Variants in NLRP2 observed in about 807,000 individuals in gnomAD.
NLRP2 encodes NACHT, LRR and PYD domains-containing protein 2.
NLRP2 carries 107 observed loss-of-function variants against 97.2 expected under a neutral mutation model. The ratio of observed to expected loss-of-function variants is 1.10; its 90% CI spans 0.94 to 1.29. The LOEUF is 1.29. Among genes scored for constraint, NLRP2 ranks in the 50% most tolerant of loss-of-function variants. NLRP2 has a pLI of 0.00. For synonymous variants in NLRP2, 663 were observed against 551.5 expected (o/e 1.20, Z -2.83); for missense variants, 1,495 against 1,330.3 (o/e 1.12, Z -1.93).
At chr19:54,974,744 C>G (rs866408763) in intron 3 of NLRP2, among the ~76,000 whole-genome samples, 200 bp downstream of exon 3, 3 of 152,176 alleles carry the variant, frequency 2.0e-5, no homozygotes, top group Admixed American at 6.6e-5. Context: ...TGTTGGAAAT[C>G]TATAAATACA....
chr19:54,974,580 T>G, intron 3 of NLRP2, 36 bp downstream of exon 3: 1 of 1,404,912 alleles, frequency 7.1e-7, no homozygotes, highest in Non-Finnish European at 1.0e-6. Context: ...ATTCTTCATG[T>G]GAGATCTGGG....
rs140853608 is a variant in NLRP2 at position 54,973,213 on chromosome 19, G to T, written c.281-1287G>T. Among the ~76,000 whole-genome samples the T allele has an allele frequency of 9.2e-3, 1,395 of 151,230 alleles. 55 individuals are homozygous for T. The highest frequency in any genetic ancestry group is 0.077 in the Admixed American group (1,159 of 15,076). ...CAAAAAAAAAAAACAAACAAACATG[G>T]TATTAATTACACAATGGAATACTCC... is the stretch of plus-strand genomic sequence containing the variant. On this transcript the variant is annotated intron_variant, in intron 2 of 12. Transcript: ENST00000448584.
In NLRP2 at chr19:54,997,518, T is replaced by A. The variant is rs773394282; in HGVS notation, c.3050+31T>A. The A allele has an allele frequency of 3.1e-6, 5 of 1,612,098 alleles. No homozygotes were observed. The Admixed American group carries it at 8.3e-5, about 27-fold the overall frequency. On this transcript the variant is annotated intron_variant, in intron 12 of 12. Coordinates refer to ENST00000448584, the MANE Select transcript of NLRP2 (RefSeq NM_017852.5). ...ATCCATTTACTTCCCCATCAGGCTT[T>A]CTCCAGAGTGGTAGGTTTAGGGGAA... is the stretch of plus-strand genomic sequence containing the variant.
intron 1 of NLRP2, among the ~76,000 whole-genome samples, chr19:54,967,909 C>T (rs1419761719): frequency 2.1e-5 from 3 of 144,220 alleles, no homozygotes; most frequent in Non-Finnish European, 4.6e-5. Flanking sequence ...GTTTTTGTTG[C>T]TACTGCTATT....
chr19:54,993,871 A>C (rs1301761182), intron 10 of NLRP2: 2 of 301,318 alleles, frequency 6.6e-6, no homozygotes, highest in Admixed American at 9.4e-5. Context: ...GGCCACCTGC[A>C]TTCCTTGGCT....
chr19:54,981,517 T>TCCCCC, intron 4 of NLRP2, 100 bp from the exon 5 acceptor site: 1 of 274,194 alleles, frequency 3.6e-6, no homozygotes, highest in South Asian at 2.5e-5. Context: ...GTGCCCCCCC[T>TCCCCC]CCCCCCCGCC....
Position 54,982,914 on chromosome 19 carries a change from A to G in NLRP2, c.1216A>G (p.Thr406Ala). ...CCCCGCGGTGTGCTGGATCGTGTGC[A>G]CGACTCTGAAGCTGCAGATGGAGAA... Reference protein sequence around the residue: ...SAPAVCWIVCTTLKLQMEKGE... With the variant: ...SAPAVCWIVCATLKLQMEKGE... The change falls in exon 6 of 13, where the codon ACG (threonine) becomes GCG (alanine). Residue 406 changes from threonine (T) to alanine (A), a missense_variant. Thr to Ala is a moderately conservative substitution (Grantham distance 58). Coordinates refer to ENST00000448584, the MANE Select transcript of NLRP2 (RefSeq NM_017852.5). 1.9e-6 allele frequency: 3 copies of G among 1,613,026 alleles called. No homozygotes were observed. Among genetic ancestry groups the G allele is most frequent in the Middle Eastern group, 1.9e-4 (1 of 5,314 alleles).
chr19:54,983,946 G>T (rs1475259318), intron 6 of NLRP2, among the ~76,000 whole-genome samples: 1 of 152,074 alleles, frequency 6.6e-6, no homozygotes, highest in East Asian at 1.9e-4. Context: ...CGCCTCCCGG[G>T]TTCAAGTGAT....
chr19:54,992,835 A>G (rs944778791), intron 10 of NLRP2, among the ~76,000 whole-genome samples: 2 of 151,922 alleles, frequency 1.3e-5, no homozygotes, highest in Non-Finnish European at 1.5e-5. Flanking sequence ...CTGGGATTAC[A>G]GGTGTGAGCC....
rs3826883 is a variant in NLRP2, at chr19:54,982,820, C to A, written c.1122C>A (p.Asp374Glu). 2.5e-5 allele frequency: 41 copies of A among 1,611,892 alleles called. No individual in the cohort carries two copies. The highest frequency in any genetic ancestry group is 1.7e-4 in the Middle Eastern group (1 of 5,872). The change falls in exon 6 of 13, where the codon GAC becomes GAA. Residue 374 changes from aspartate to glutamate, a missense_variant. By Grantham distance (45) the Asp-to-Glu change is conservative (BLOSUM62 2). Coordinates refer to ENST00000448584, the MANE Select transcript of NLRP2 (RefSeq NM_017852.5). ...RRAYFLRHFG[D>E]EDQAMRAFEL... is the part of the protein sequence containing the mutation. ...CCTATTTCCTGAGACACTTTGGAGA[C>A]GAGGACCAAGCCATGCGTGCCTTTG... is the stretch of plus-strand genomic sequence containing the variant.
intron 10 of NLRP2, 33 bp from the exon 11 acceptor site, chr19:54,994,236 C>T (rs764220304): frequency 2.6e-5 from 42 of 1,612,378 alleles, no homozygotes; most frequent in South Asian, 1.4e-4. Flanking sequence ...CTCACAGGTT[C>T]GGGTTTGCTT....
chr19:54,988,981 G>A (rs1322410154), intron 8 of NLRP2, among the ~76,000 whole-genome samples: 3 of 151,808 alleles, frequency 2.0e-5, no homozygotes, highest in Non-Finnish European at 2.9e-5. Flanking sequence ...GTTTTGAGAC[G>A]GAGTCTTGCT....
intron 1 of NLRP2, among the ~76,000 whole-genome samples, 164 bp downstream of exon 1, chr19:54,966,631 C>A (rs1172673487): frequency 1.3e-5 from 2 of 151,666 alleles, no homozygotes; most frequent in African/African-American, 4.8e-5. Context: ...CTGCAAGCTC[C>A]GCCTCCCGGG....
At chr19:54,999,153 C>G (rs959438783) in intron 12 of NLRP2, among the ~76,000 whole-genome samples, 7 of 152,032 alleles carry the variant, frequency 4.6e-5, no homozygotes, top group Non-Finnish European at 8.8e-5. Context: ...CTGACCCCCC[C>G]ACCTCCCCGC....
At chr19:54,976,143 C>T (rs1375580226) in intron 3 of NLRP2, among the ~76,000 whole-genome samples, 1 of 152,012 alleles carries the variant, frequency 6.6e-6, no homozygotes. Flanking sequence ...CTGACCTCCG[C>T]CTCCCGGTTC....
At chr19:54,986,336 A>G in intron 8 of NLRP2, 21 bp downstream of exon 8, 1 of 1,607,812 alleles carries the variant, frequency 6.2e-7, no homozygotes, top group Middle Eastern at 1.7e-4. Context: ...TAATCATTAA[A>G]ATCCTTCATC....
At chr19:54,968,947 C>T (rs1406571709) in intron 1 of NLRP2, among the ~76,000 whole-genome samples, 2 of 151,694 alleles carry the variant, frequency 1.3e-5, no homozygotes, top group African/African-American at 2.4e-5. Flanking sequence ...ACGATCCGCC[C>T]GCCTCGGCCT....
chr19:54,986,082 C>T (rs1330883202), intron 7 of NLRP2, 69 bp from the exon 8 acceptor site: 12 of 1,015,068 alleles, frequency 1.2e-5, no homozygotes, highest in South Asian at 2.6e-5. Flanking sequence ...ATATCGAGCC[C>T]CTGGTTTCCA....
chr19:54,994,474 AC>A (rs1424926260), intron 11 of NLRP2, 35 bp downstream of exon 11: 1 of 1,605,312 alleles, frequency 6.2e-7, no homozygotes, highest in Admixed American at 1.7e-5. Flanking sequence ...TCCTATACTT[AC>A]ACCTTACTGA....
Sources: allele counts gnomAD v4.1 joint callset (sites outside exome capture counted in the v4.1 genomes callset), GRCh38; gene constraint gnomAD v4.1.1; transcripts MANE v1.5; gene names NCBI Gene and HGNC (gene_info 2026-07-23, HGNC 2026-07-21).